LRBA: variants seen among roughly 807,000 people sequenced by gnomAD.
LRBA encodes the protein lipopolysaccharide-responsive and beige-like anchor protein.
A neutral mutation model predicts 330.0 loss-of-function variants in LRBA; 176 were observed. The observed-to-expected ratio is 0.53, with a 90% confidence interval of 0.47 to 0.60. The LOEUF is 0.60. Among genes scored for constraint, LRBA ranks in the 20% least tolerant of loss-of-function variants. The probability of loss-of-function intolerance (pLI) is 0.00; values close to 1 mark genes in which losing one functional copy is unlikely to be tolerated. For synonymous variants in LRBA, 1,230 were observed against 1,193.0 expected (o/e 1.03, Z -0.64); for missense variants, 3,259 against 3,444.8 (o/e 0.95, Z 1.35).
chr4:150,834,470 T>C (rs1398790481), intron 28 of LRBA, among the ~76,000 whole-genome samples: 1 of 152,338 alleles, frequency 6.6e-6, no homozygotes, highest in African/African-American at 2.4e-5. Flanking sequence ...ATCAGAGCTG[T>C]TGGGTGACCA....
intron 30 of LRBA, among the ~76,000 whole-genome samples, chr4:150,822,852 C>T (rs1745662101): frequency 6.6e-6 from 1 of 152,202 alleles, no homozygotes; most frequent in African/African-American, 2.4e-5. Context: ...TGAGACCAGC[C>T]TGGCCAACAT....
chr4:150,551,496 T>A (rs188183642), intron 40 of LRBA, among the ~76,000 whole-genome samples: 54 of 151,860 alleles, frequency 3.6e-4, no homozygotes, highest in Non-Finnish European at 6.8e-4. Context: ...CTGGGCAACA[T>A]AGTGAAATCC....
intron 2 of LRBA, among the ~76,000 whole-genome samples, chr4:150,949,320 T>C (rs113762251): frequency 1.5e-4 from 23 of 151,976 alleles, no homozygotes; most frequent in African/African-American, 2.9e-4. Context: ...AGAGAACCAA[T>C]TGGTTTTTTT....
chr4:150,508,661 G>C (rs751075646), intron 40 of LRBA, among the ~76,000 whole-genome samples: 22 of 152,162 alleles, frequency 1.4e-4, no homozygotes, highest in Non-Finnish European at 1.3e-4. Context: ...ATTTCATCAA[G>C]AGGCTTTATT....
At chr4:150,543,418 A>T (rs1022334159) in intron 40 of LRBA, among the ~76,000 whole-genome samples, 10 of 152,360 alleles carry the variant, frequency 6.6e-5, no homozygotes, top group Non-Finnish European at 1.3e-4. Flanking sequence ...TTGTTCAAAT[A>T]GGTAGTTTAG....
chr4:150,689,081 T>C (rs913219803), intron 36 of LRBA, among the ~76,000 whole-genome samples: 1 of 152,118 alleles, frequency 6.6e-6, no homozygotes, highest in African/African-American at 2.4e-5. Context: ...AATGTTAGAC[T>C]GGATAAAGAA....
At chr4:150,415,349 A>T in intron 47 of LRBA, 89 bp downstream of exon 47, 1 of 1,173,972 alleles carries the variant, frequency 8.5e-7, no homozygotes, top group Non-Finnish European at 1.2e-6. Flanking sequence ...TTTGTCCAGA[A>T]GAGCAAGGGT....
chr4:150,560,813 C>T (rs1440661278), intron 40 of LRBA, among the ~76,000 whole-genome samples: 1 of 151,974 alleles, frequency 6.6e-6, no homozygotes, highest in South Asian at 2.1e-4. Flanking sequence ...ATGGAGAAAC[C>T]CCGTCTCTAC....
In LRBA at chr4:150,641,038, T is replaced by C. The variant is rs959214651; in HGVS notation, c.5922-41907A>G. On this transcript the variant is annotated intron_variant, in intron 37 of 56. Coordinates refer to ENST00000651943, the MANE Select transcript of LRBA (RefSeq NM_001364905.1). Reference sequence around the variant, plus strand: ...GCCTTGCATCACCTACTCCCTATTCTACCATGACTTCCCATCATCATTCCT... The same window carrying C: ...GCCTTGCATCACCTACTCCCTATTCCACCATGACTTCCCATCATCATTCCT... 3.9e-5 allele frequency among the ~76,000 whole-genome samples: 6 copies of C among 152,250 alleles called. No individual in the cohort carries two copies. In the East Asian group the frequency reaches 1.2e-3, roughly 29 times the overall value.
intron 40 of LRBA, among the ~76,000 whole-genome samples, chr4:150,552,725 T>C (rs1766760637): frequency 6.6e-6 from 1 of 152,084 alleles, no homozygotes; most frequent in Non-Finnish European, 1.5e-5. Flanking sequence ...CTACTCACAA[T>C]AGTAAAGACT....
chr4:150,721,378 C>A, intron 36 of LRBA: 1 of 291,986 alleles, frequency 3.4e-6, no homozygotes. Context: ...TTTTCATTGT[C>A]CAATCACCCT....
rs973601465 is a variant in LRBA at position 150,833,222 on chromosome 4, T to A, written c.4570-1246A>T. 5.3e-5 allele frequency among the ~76,000 whole-genome samples: 8 copies of A among 152,230 alleles called. No individual in the cohort carries two copies. The East Asian group carries it at 1.5e-3, about 29-fold the overall frequency. On this transcript the variant is annotated intron_variant, in intron 28 of 56. Coordinates refer to ENST00000651943, the MANE Select transcript of LRBA (RefSeq NM_001364905.1). ...TCTAGCTCTACAGGTCACCTATATA[T>A]CACTGACCTCTTTATCTTGTCAAAT...
intron 40 of LRBA, among the ~76,000 whole-genome samples, chr4:150,518,825 T>C (rs1236580803): frequency 1.3e-5 from 2 of 152,130 alleles, no homozygotes; most frequent in Non-Finnish European, 2.9e-5. Context: ...ACCAAACTTT[T>C]TTCTTACCCA....
chr4:150,667,063 C>A (rs998436472), intron 37 of LRBA, among the ~76,000 whole-genome samples: 3 of 152,136 alleles, frequency 2.0e-5, no homozygotes, highest in Non-Finnish European at 4.4e-5. Flanking sequence ...GAGATTCAAA[C>A]CCATGTCTGC....
Position 150,315,714 on chromosome 4 carries a change from T to C in LRBA, c.7631-91A>G, listed in dbSNP as rs532859218. ...ATAAGTCAAACCTTATGTAGAATTG[T>C]TTCCAATCTCTAAATCTTTCATGCA... On this transcript the variant is annotated intron_variant, in intron 50 of 56. Coordinates refer to ENST00000651943, the MANE Select transcript of LRBA (RefSeq NM_001364905.1). The C allele has an allele frequency of 5.3e-5, 41 of 776,422 alleles. No individual in the cohort carries two copies. The South Asian group carries it at 8.1e-4, about 15-fold the overall frequency. 48.1% of individuals were successfully genotyped at this position (776,422 alleles called of 1,614,324 possible).
At chr4:150,606,241 G>A (rs1201347154) in intron 37 of LRBA, among the ~76,000 whole-genome samples, 1 of 152,070 alleles carries the variant, frequency 6.6e-6, no homozygotes, top group Non-Finnish European at 1.5e-5. Flanking sequence ...ATTGAGTAAA[G>A]TTATGAGACT....
chr4:150,489,695 ATATATT>A (rs1758650742), intron 41 of LRBA, among the ~76,000 whole-genome samples: 1 of 127,030 alleles, frequency 7.9e-6, no homozygotes, highest in African/African-American at 3.0e-5. Flanking sequence ...AGAATATATT[ATATATT>A]ATATATTATA....
chr4:150,791,499 G>A (rs1454108311), intron 34 of LRBA, among the ~76,000 whole-genome samples: 4 of 152,092 alleles, frequency 2.6e-5, no homozygotes, highest in Non-Finnish European at 5.9e-5. Context: ...AAAAGCATAC[G>A]ACACATGTTT....
chr4:150,579,902 C>T, intron 40 of LRBA: 1 of 353,980 alleles, frequency 2.8e-6, no homozygotes. Flanking sequence ...GGCGGGAAAG[C>T]TCCGCACCCT....
Sources: allele counts gnomAD v4.1 joint callset (sites outside exome capture counted in the v4.1 genomes callset), GRCh38; gene constraint gnomAD v4.1.1; transcripts MANE v1.5; gene names NCBI Gene and HGNC (gene_info 2026-07-23, HGNC 2026-07-21).